The following SH3BGRL2 variants were observed in gnomAD, a reference collection of about 807,000 sequenced individuals.
SH3BGRL2 encodes SH3 domain-binding glutamic acid-rich-like protein 2.
A neutral mutation model predicts 14.8 loss-of-function variants in SH3BGRL2; 21 were observed. The observed-to-expected ratio is 1.42, with a 90% confidence interval of 1.01 to 2.05. The LOEUF is 2.05. Among genes scored for constraint, SH3BGRL2 ranks in the 30% most tolerant of loss-of-function variants. SH3BGRL2 has a pLI of 0.00. For synonymous variants in SH3BGRL2, 50 were observed against 47.8 expected (o/e 1.05, Z -0.19); for missense variants, 147 against 130.8 (o/e 1.12, Z -0.61).
At chr6:79,551,828 G>T in the SH3BGRL2 span, among the ~76,000 whole-genome samples, 1 of 152,176 alleles carries the variant, frequency 6.6e-6, no homozygotes, top group South Asian at 2.1e-4. Context: ...GGTGGTTCAT[G>T]GCTTAAATCC....
At chr6:79,660,819 C>G (rs1264125575) in intron 1 of SH3BGRL2, among the ~76,000 whole-genome samples, 7 of 152,118 alleles carry the variant, frequency 4.6e-5, no homozygotes, top group Non-Finnish European at 1.0e-4. Flanking sequence ...ATTTCAGAAC[C>G]TGTTATTGGT....
chr6:79,570,019 T>G, the SH3BGRL2 span, among the ~76,000 whole-genome samples: 1 of 152,188 alleles, frequency 6.6e-6, no homozygotes, highest in South Asian at 2.1e-4. Context: ...ATTGAGAGAT[T>G]TCTACTTTGC....
At chr6:79,638,866 C>G (rs1428387868) in intron 1 of SH3BGRL2, among the ~76,000 whole-genome samples, 1 of 152,058 alleles carries the variant, frequency 6.6e-6, no homozygotes, top group Non-Finnish European at 1.5e-5. Flanking sequence ...ATAGTTTGCA[C>G]CTTTTCTTCC....
chr6:79,586,620 T>G, the SH3BGRL2 span, among the ~76,000 whole-genome samples: 1 of 152,132 alleles, frequency 6.6e-6, no homozygotes, highest in Non-Finnish European at 1.5e-5. Flanking sequence ...TGAAGTAACA[T>G]CATGAGAAGA....
chr6:79,585,869 A>G, the SH3BGRL2 span, among the ~76,000 whole-genome samples: 1 of 151,886 alleles, frequency 6.6e-6, no homozygotes, highest in African/African-American at 2.4e-5. Flanking sequence ...CTCTGAATGC[A>G]GCCCAACACA....
chr6:79,681,683 C>T (rs1769990593), intron 2 of SH3BGRL2, among the ~76,000 whole-genome samples: 2 of 152,170 alleles, frequency 1.3e-5, no homozygotes, highest in African/African-American at 2.4e-5. Context: ...TGCAGTTGAT[C>T]TCAAGTGCAG....
upstream of SH3BGRL2, among the ~76,000 whole-genome samples, chr6:79,630,945 G>T (rs1325638917): frequency 6.6e-6 from 1 of 152,190 alleles, no homozygotes. Context: ...GCCCTGAGAC[G>T]ATGTGTGCCC....
intron 1 of SH3BGRL2, among the ~76,000 whole-genome samples, chr6:79,633,250 C>T (rs2127721826): frequency 6.6e-6 from 1 of 152,222 alleles, no homozygotes; most frequent in East Asian, 1.9e-4. Context: ...GGTTAAGGTA[C>T]CTCATCTCTG....
chr6:79,627,743 C>G (rs2127720408), upstream of SH3BGRL2, among the ~76,000 whole-genome samples: 1 of 152,100 alleles, frequency 6.6e-6, no homozygotes, highest in East Asian at 1.9e-4. Flanking sequence ...AGGAGATCTC[C>G]AAGGGACTCT....
Position 79,631,330 on chromosome 6 carries a change from G to C in SH3BGRL2, c.-132G>C, listed in dbSNP as rs561800647. The C allele has an allele frequency of 1.2e-5, 9 of 778,686 alleles. No individual in the cohort carries two copies. In the East Asian group the frequency reaches 2.4e-4, roughly 21 times the overall value. The allele number at this position is 778,686 out of a possible 1,614,324, so 48.2% of individuals were successfully genotyped here. On this transcript the variant is annotated 5_prime_UTR_variant, in exon 1 of 4. Transcript: ENST00000369838. ...CTGCGGACCCGCCGGGAGGGAGCCA[G>C]ATCCCAGCGATCTTCCCCGACGGCA... is the stretch of plus-strand genomic sequence containing the variant.
At chr6:79,679,750 T>G (rs1769953974) in intron 2 of SH3BGRL2, among the ~76,000 whole-genome samples, 2 of 152,290 alleles carry the variant, frequency 1.3e-5, no homozygotes, top group Middle Eastern at 6.8e-3. Context: ...CAACTTTTTT[T>G]GTTATTTTTT....
chr6:79,577,910 C>T, the SH3BGRL2 span, among the ~76,000 whole-genome samples: 10 of 152,222 alleles, frequency 6.6e-5, no homozygotes, highest in Non-Finnish European at 1.5e-4. Flanking sequence ...ATGGGGCACT[C>T]CCACCCAAAT....
chr6:79,541,891 C>T, the SH3BGRL2 span, among the ~76,000 whole-genome samples: 1 of 152,164 alleles, frequency 6.6e-6, no homozygotes, highest in African/African-American at 2.4e-5. Context: ...AAGAAAAACT[C>T]TTGTAATTAC....
intron 2 of SH3BGRL2, among the ~76,000 whole-genome samples, chr6:79,688,322 A>G (rs1264510113): frequency 6.6e-6 from 1 of 152,128 alleles, no homozygotes; most frequent in Non-Finnish European, 1.5e-5. Context: ...TTATCTATAC[A>G]GTTCAGAGAT....
chr6:79,695,464 C>G (rs775437156), intron 2 of SH3BGRL2, among the ~76,000 whole-genome samples: 3 of 152,202 alleles, frequency 2.0e-5, no homozygotes, highest in Non-Finnish European at 2.9e-5. Context: ...CTTGGCTTAA[C>G]AATGGATTCA....
At chr6:79,556,933 T>TA in the SH3BGRL2 span, among the ~76,000 whole-genome samples, 51 of 152,006 alleles carry the variant, frequency 3.4e-4, no homozygotes, top group Non-Finnish European at 6.3e-4. Flanking sequence ...TAAAACTTCT[T>TA]AAAATATATG....
chr6:79,640,598 G>C (rs775615713), intron 1 of SH3BGRL2, among the ~76,000 whole-genome samples: 61 of 151,988 alleles, frequency 4.0e-4, no homozygotes, highest in Non-Finnish European at 7.5e-4. Context: ...CTTTTGAGCT[G>C]GTTGAGTATT....
chr6:79,689,865 T>G (rs1770174642), intron 2 of SH3BGRL2, among the ~76,000 whole-genome samples: 1 of 152,228 alleles, frequency 6.6e-6, no homozygotes, highest in African/African-American at 2.4e-5. Flanking sequence ...CTAAAGCTTT[T>G]GAAAGTAGAA....
At chr6:79,597,027 C>T in the SH3BGRL2 span, among the ~76,000 whole-genome samples, 1 of 152,052 alleles carries the variant, frequency 6.6e-6, no homozygotes, top group African/African-American at 2.4e-5. Context: ...GTCAGGAATT[C>T]GAGATCAGCC....
Sources: allele counts gnomAD v4.1 joint callset (sites outside exome capture counted in the v4.1 genomes callset), GRCh38; gene constraint gnomAD v4.1.1; transcripts MANE v1.5; gene names NCBI Gene and HGNC (gene_info 2026-07-23, HGNC 2026-07-21).